The following DPYSL3 variants were observed in gnomAD, a reference collection of about 807,000 sequenced individuals.
The protein encoded by DPYSL3 is dihydropyrimidinase like 3.
Under a neutral mutation model 66.1 loss-of-function variants are expected in DPYSL3, and 16 were observed. That is an observed-to-expected ratio of 0.24 (90% CI 0.16 to 0.37). DPYSL3 has a LOEUF of 0.37. DPYSL3 is among the 10% of genes least tolerant of loss of function. DPYSL3 has a pLI of 1.00. For missense variants in DPYSL3, 738 were observed against 916.2 expected (o/e 0.81, Z 2.51); for synonymous variants, 338 against 345.1 (o/e 0.98, Z 0.23).
chr5:147,503,238 A>G (rs901896967), intron 1 of DPYSL3, among the ~76,000 whole-genome samples: 3 of 152,202 alleles, frequency 2.0e-5, no homozygotes, highest in Non-Finnish European at 4.4e-5. Context: ...GAAAACAACC[A>G]TAATTTATAT....
At chr5:147,407,351 A>G (rs939085306) in intron 7 of DPYSL3, among the ~76,000 whole-genome samples, 2 of 152,156 alleles carry the variant, frequency 1.3e-5, no homozygotes, top group African/African-American at 4.8e-5. Context: ...GGAGACAGGA[A>G]TAAGGAGGAG....
intron 8 of DPYSL3, among the ~76,000 whole-genome samples, chr5:147,404,869 G>C (rs1758289351): frequency 6.6e-6 from 1 of 152,170 alleles, no homozygotes; most frequent in South Asian, 2.1e-4. Flanking sequence ...CAGTGGCTCA[G>C]GAGGTGTGAC....
intron 1 of DPYSL3, among the ~76,000 whole-genome samples, chr5:147,492,629 G>T (rs1241875326): frequency 6.6e-6 from 1 of 151,454 alleles, no homozygotes; most frequent in Non-Finnish European, 1.5e-5. Flanking sequence ...GTAAATATAT[G>T]TTGCAAACTG....
intron 12 of DPYSL3, 41 bp downstream of exon 12, chr5:147,397,625 A>G (rs2304045): frequency 0.42 from 668,971 of 1,585,866 alleles, 144,729 homozygotes; most frequent in African/African-American, 0.57. Flanking sequence ...TGAGTGGAAC[A>G]CAAAGCTCCT....
At chr5:147,398,148 C>T (rs1758052590) in intron 11 of DPYSL3, among the ~76,000 whole-genome samples, 1 of 152,198 alleles carries the variant, frequency 6.6e-6, no homozygotes. Context: ...CTGTACATCA[C>T]TGTCTTGTAT....
intron 1 of DPYSL3, chr5:147,453,945 C>T (rs1373627317): frequency 6.3e-6 from 2 of 319,070 alleles, no homozygotes; most frequent in East Asian, 5.0e-5. Context: ...ATTGATTTTC[C>T]TCTTTGCATC....
chr5:147,412,746 G>C, intron 5 of DPYSL3, 58 bp from the exon 6 acceptor site: 1 of 1,489,528 alleles, frequency 6.7e-7, no homozygotes, highest in African/African-American at 1.4e-5. Flanking sequence ...CCCCACAGAA[G>C]GGCCAATTAC....
rs188155447 is a variant in DPYSL3 at position 147,498,168 on chromosome 5, A to G, written c.381+11310T>C. The stretch of plus-strand genomic sequence containing the variant: ...TGTTCTCATCATTTAGCTCCCACTT[A>G]TAAGTGAGAACATGTGGTATTTCAT... On this transcript the variant is annotated intron_variant, in intron 1 of 13. Transcript: ENST00000343218. 5.9e-5 allele frequency among the ~76,000 whole-genome samples: 9 copies of G among 152,178 alleles called. No individual in the cohort carries two copies. In the East Asian group the frequency reaches 1.7e-3, roughly 29 times the overall value.
chr5:147,432,458 G>A (rs1010862090), intron 1 of DPYSL3, among the ~76,000 whole-genome samples: 2 of 152,222 alleles, frequency 1.3e-5, no homozygotes, highest in Admixed American at 6.5e-5. Context: ...GGCCTGACAA[G>A]TGATGTGGCC....
At chr5:147,454,612 A>C (rs769518577) in intron 1 of DPYSL3, among the ~76,000 whole-genome samples, 1 of 152,256 alleles carries the variant, frequency 6.6e-6, no homozygotes, top group Non-Finnish European at 1.5e-5. Context: ...TGGAGTGGGA[A>C]GGCAGTAGCC....
chr5:147,406,929 C>A (rs576043908), intron 7 of DPYSL3, among the ~76,000 whole-genome samples: 2 of 152,264 alleles, frequency 1.3e-5, no homozygotes, highest in Admixed American at 6.5e-5. Flanking sequence ...CTGGCCTCCC[C>A]CAAGCTGCAC....
At chr5:147,463,375 G>A (rs1352280832) in intron 1 of DPYSL3, among the ~76,000 whole-genome samples, 3 of 152,104 alleles carry the variant, frequency 2.0e-5, no homozygotes, top group African/African-American at 7.3e-5. Context: ...TATATGGAAA[G>A]AAAACAAAAA....
At chr5:147,410,418 G>A (rs553110435) in intron 6 of DPYSL3, among the ~76,000 whole-genome samples, 1 of 152,254 alleles carries the variant, frequency 6.6e-6, no homozygotes, top group East Asian at 1.9e-4. Context: ...AAGCCATGAT[G>A]TCCCTATAGC....
chr5:147,500,182 T>C (rs1753581684), intron 1 of DPYSL3, among the ~76,000 whole-genome samples: 1 of 152,212 alleles, frequency 6.6e-6, no homozygotes, highest in South Asian at 2.1e-4. Flanking sequence ...AGCTGGACTA[T>C]ATTAAAATTA....
chr5:147,469,445 A>G (rs779824844), intron 1 of DPYSL3, among the ~76,000 whole-genome samples: 27 of 152,204 alleles, frequency 1.8e-4, no homozygotes, highest in Non-Finnish European at 3.1e-4. Context: ...TTTCTCCTCT[A>G]TAAAATAGGG....
chr5:147,463,194 A>G (rs1253661537), intron 1 of DPYSL3, among the ~76,000 whole-genome samples: 1 of 152,058 alleles, frequency 6.6e-6, no homozygotes, highest in Non-Finnish European at 1.5e-5. Flanking sequence ...TGACCAGCTG[A>G]TAGAGAAGAA....
intron 1 of DPYSL3, among the ~76,000 whole-genome samples, chr5:147,480,810 C>T (rs1221797767): frequency 1.3e-5 from 2 of 151,458 alleles, no homozygotes; most frequent in Non-Finnish European, 2.9e-5. Context: ...GCAACCTCCA[C>T]CTCCCGGGTT....
intron 8 of DPYSL3, among the ~76,000 whole-genome samples, chr5:147,402,541 G>A (rs1173936472): frequency 1.4e-5 from 2 of 143,314 alleles, no homozygotes; most frequent in Admixed American, 6.7e-5. Flanking sequence ...TAGAGACGGG[G>A]TTTCACCGTG....
chr5:147,398,055 C>T (rs959735187), intron 11 of DPYSL3, among the ~76,000 whole-genome samples: 5 of 152,076 alleles, frequency 3.3e-5, no homozygotes, highest in African/African-American at 9.7e-5. Context: ...AAGAAGTGTC[C>T]GGTCTTTAAT....
Sources: gnomAD v4.1 joint callset for allele counts (sites outside exome capture counted in the v4.1 genomes callset) on GRCh38, gnomAD v4.1.1 for gene constraint, MANE v1.5 for transcripts, NCBI Gene and HGNC (gene_info 2026-07-23, HGNC 2026-07-21) for gene names.